Variants in CLVS1 observed in about 807,000 individuals in gnomAD.
CLVS1 encodes clavesin 1, also known as clavesin-1.
CLVS1 carries 10 observed loss-of-function variants against 33.1 expected under a neutral mutation model. That is an observed-to-expected ratio of 0.30 (90% CI 0.19 to 0.51). The LOEUF (loss-of-function observed/expected upper bound fraction) is 0.51, where lower values mean the gene tolerates loss of function less well. CLVS1 is among the 20% of genes least tolerant of loss of function. The probability of loss-of-function intolerance (pLI) is 0.97; values close to 1 mark genes in which losing one functional copy is unlikely to be tolerated. For synonymous variants in CLVS1, 163 were observed against 166.1 expected (o/e 0.98, Z 0.14); for missense variants, 343 against 433.4 (o/e 0.79, Z 1.85).
chr8:61,426,032 T>C (rs755073248), intron 3 of CLVS1, among the ~76,000 whole-genome samples: 2 of 152,178 alleles, frequency 1.3e-5, no homozygotes, highest in African/African-American at 4.8e-5. Context: ...GCCTACAAGT[T>C]TATCCAGAGT....
intron 1 of CLVS1, among the ~76,000 whole-genome samples, chr8:61,087,072 G>C (rs924621241): frequency 2.0e-5 from 3 of 152,222 alleles, no homozygotes; most frequent in African/African-American, 7.2e-5. Flanking sequence ...GCACATGCAA[G>C]CCTGAACTCC....
intron 5 of CLVS1, among the ~76,000 whole-genome samples, chr8:61,478,816 C>T (rs1818064894): frequency 1.3e-5 from 2 of 152,290 alleles, no homozygotes; most frequent in South Asian, 4.1e-4. Flanking sequence ...AGCCCATTTA[C>T]ATTTAAGGTT....
chr8:60,978,233 G>A, the CLVS1 span, among the ~76,000 whole-genome samples: 1 of 152,192 alleles, frequency 6.6e-6, no homozygotes, highest in Non-Finnish European at 1.5e-5. Flanking sequence ...ACTGGCTAAG[G>A]TAGCTACATA....
chr8:61,495,571 GGAGA>G (rs1010922776), intron 5 of CLVS1, among the ~76,000 whole-genome samples: 1 of 152,168 alleles, frequency 6.6e-6, no homozygotes, highest in African/African-American at 2.4e-5. Flanking sequence ...CCAAAAGGAT[GGAGA>G]TAGATTGGAA....
chr8:61,435,817 T>A (rs1250304590), intron 3 of CLVS1, among the ~76,000 whole-genome samples: 1 of 152,156 alleles, frequency 6.6e-6, no homozygotes, highest in African/African-American at 2.4e-5. Context: ...ACAGTCAATT[T>A]TTAAGAAGGA....
At chr8:61,164,778 C>T (rs1271362240) in intron 2 of CLVS1, among the ~76,000 whole-genome samples, 1 of 152,190 alleles carries the variant, frequency 6.6e-6, no homozygotes, top group Non-Finnish European at 1.5e-5. Flanking sequence ...TGTTTTTCTT[C>T]CTTCCTTCTT....
Position 61,265,329 on chromosome 8 carries a change from G to T in CLVS1, c.-151-34348G>T, listed in dbSNP as rs73682205. Among the ~76,000 whole-genome samples, 1,274 of 152,210 alleles carry T rather than the reference G, an allele frequency of 8.4e-3. 18 individuals carry two copies. The highest frequency in any genetic ancestry group is 0.029 in the African/African-American group (1,193 of 41,538). On this transcript the variant is annotated intron_variant, in intron 2 of 2. Coordinates refer to the CLVS1 transcript ENST00000522621. ...AGTCTGCCAAGTGTTCAAATCCCAGGTCTGCTGCTTATTAGCTTGGTGACT... is the reference window on the plus strand; with the variant it reads ...AGTCTGCCAAGTGTTCAAATCCCAGTTCTGCTGCTTATTAGCTTGGTGACT...
chr8:61,231,829 C>T (rs776814525), intron 2 of CLVS1, among the ~76,000 whole-genome samples: 2 of 152,032 alleles, frequency 1.3e-5, no homozygotes, highest in African/African-American at 2.4e-5. Flanking sequence ...GGGACCCATC[C>T]CTAGCAAGGA....
At chr8:61,488,885 C>T (rs1326549780) in intron 5 of CLVS1, among the ~76,000 whole-genome samples, 1 of 152,170 alleles carries the variant, frequency 6.6e-6, no homozygotes, top group African/African-American at 2.4e-5. Flanking sequence ...TCTGCAAGTT[C>T]CAGGATGGGT....
In CLVS1 at chr8:61,376,340, T is replaced by C. The variant is rs114309429; in HGVS notation, c.456-265T>C. On this transcript the variant is annotated intron_variant, in intron 2 of 5. Transcript: ENST00000325897. ...TTGGGGCTGTGGAGGAAGCAGAGTATGGAAAGCCACAGGAACACAGAAGAG... is the reference window on the plus strand; with the variant it reads ...TTGGGGCTGTGGAGGAAGCAGAGTACGGAAAGCCACAGGAACACAGAAGAG... Among the ~76,000 whole-genome samples the C allele has an allele frequency of 2.3e-3, 343 of 152,296 alleles. 3 individuals are homozygous for C. The highest frequency in any genetic ancestry group is 8.0e-3 in the African/African-American group (333 of 41,554).
intron 2 of CLVS1, among the ~76,000 whole-genome samples, chr8:61,180,553 C>T (rs1307309216): frequency 6.6e-6 from 1 of 152,166 alleles, no homozygotes; most frequent in Non-Finnish European, 1.5e-5. Context: ...AAACTTCAGG[C>T]CAATATCCTT....
chr8:61,293,344 G>T (rs980442410), intron 1 of CLVS1, among the ~76,000 whole-genome samples: 2 of 152,094 alleles, frequency 1.3e-5, no homozygotes, highest in African/African-American at 4.8e-5. Context: ...TTACCCACAG[G>T]TCTGATGTTC....
chr8:61,339,051 G>A (rs938731612), intron 2 of CLVS1, among the ~76,000 whole-genome samples: 3 of 151,722 alleles, frequency 2.0e-5, no homozygotes, highest in Non-Finnish European at 4.4e-5. Context: ...GGAGGCTGAG[G>A]ATGCTTTGAG....
chr8:61,087,746 T>G (rs1560554), intron 1 of CLVS1, among the ~76,000 whole-genome samples: 85,194 of 152,060 alleles, frequency 0.56, 26,611 homozygotes, highest in African/African-American at 0.84. Context: ...GGAAGGGAAG[T>G]GTTCCCCAAT....
chr8:61,118,907 G>A (rs1309998693), intron 1 of CLVS1, among the ~76,000 whole-genome samples: 1 of 152,146 alleles, frequency 6.6e-6, no homozygotes, highest in Non-Finnish European at 1.5e-5. Context: ...GCAGAGCTGA[G>A]TTCAATTCCT....
At chr8:61,162,007 G>A (rs35860978) in intron 2 of CLVS1, among the ~76,000 whole-genome samples, 2,498 of 62,182 alleles carry the variant, frequency 0.04, 32 homozygotes, top group Non-Finnish European at 0.076. Flanking sequence ...AAAAAAAAAC[G>A]TAGTGTTGAT....
At chr8:61,432,963 G>A (rs972884753) in intron 3 of CLVS1, among the ~76,000 whole-genome samples, 3 of 152,038 alleles carry the variant, frequency 2.0e-5, no homozygotes, top group Admixed American at 6.6e-5. Flanking sequence ...GGGGAGGAGG[G>A]TAGGCAATGA....
chr8:61,043,732 TC>T, the CLVS1 span, among the ~76,000 whole-genome samples: 1 of 152,186 alleles, frequency 6.6e-6, no homozygotes, highest in Non-Finnish European at 1.5e-5. Context: ...GACTGGGCAT[TC>T]TGCAGAACAT....
At chr8:61,284,163 G>C (rs190658732), upstream of CLVS1, among the ~76,000 whole-genome samples, 5 of 152,276 alleles carry the variant, frequency 3.3e-5, no homozygotes, top group Admixed American at 3.3e-4. Context: ...GGAATCTAAA[G>C]TGTTGTTGTC....
Sources: allele counts gnomAD v4.1 joint callset (sites outside exome capture counted in the v4.1 genomes callset), GRCh38; gene constraint gnomAD v4.1.1; transcripts MANE v1.5; gene names NCBI Gene and HGNC (gene_info 2026-07-23, HGNC 2026-07-21).